Variants in HIPK3 observed in about 807,000 individuals in gnomAD.
HIPK3 encodes the protein homeodomain-interacting protein kinase 3.
HIPK3 carries 47 observed loss-of-function variants against 124.2 expected under a neutral mutation model. The observed-to-expected ratio is 0.38, with a 90% CI of 0.30 to 0.48. The LOEUF (loss-of-function observed/expected upper bound fraction) is 0.48, where lower values mean the gene tolerates loss of function less well. Ranked by LOEUF, HIPK3 falls within the 20% of genes least tolerant of loss-of-function variation. The pLI, the probability that HIPK3 is intolerant of heterozygous loss-of-function variation, is 0.98. For synonymous variants in HIPK3, 482 were observed against 515.2 expected, an observed-to-expected ratio of 0.94 and a Z score of 0.87; for missense variants, 1,286 against 1,454.3, an observed-to-expected ratio of 0.88 and a Z score of 1.88.
intron 8 of HIPK3, among the ~76,000 whole-genome samples, chr11:33,343,247 T>TTTTGTGTG (rs376198168): frequency 7.1e-6 from 1 of 141,418 alleles, no homozygotes; most frequent in African/African-American, 2.7e-5. Flanking sequence ...TTATTTGATT[T>TTTTGTGTG]TGTGTGTGTG....
At chr11:33,283,975 A>G (rs1267400872) in intron 1 of HIPK3, among the ~76,000 whole-genome samples, 1 of 152,118 alleles carries the variant, frequency 6.6e-6, no homozygotes, top group Non-Finnish European at 1.5e-5. Context: ...GTGCCTGGCC[A>G]ACTTTAGTTT....
chr11:33,301,314 CAAAGT>C (rs1851992680), intron 2 of HIPK3, among the ~76,000 whole-genome samples: 1 of 152,088 alleles, frequency 6.6e-6, no homozygotes, highest in Non-Finnish European at 1.5e-5. Context: ...TACTGTGTTC[CAAAGT>C]TACTTAGGTT....
intron 2 of HIPK3, among the ~76,000 whole-genome samples, chr11:33,321,853 T>G (rs1283810591): frequency 6.6e-6 from 1 of 152,198 alleles, no homozygotes; most frequent in Non-Finnish European, 1.5e-5. Context: ...TTACTCGCTA[T>G]TAGGGGGAGA....
intron 2 of HIPK3, among the ~76,000 whole-genome samples, chr11:33,306,992 C>T (rs927024576): frequency 6.8e-6 from 1 of 146,392 alleles, no homozygotes; most frequent in Non-Finnish European, 1.5e-5. Flanking sequence ...AGGCTGGAGT[C>T]CAGCGGTGCG....
In HIPK3 at chr11:33,355,192, A is replaced by G. The variant is rs900469311; in HGVS notation, c.*1624A>G. On this transcript the variant is annotated 3_prime_UTR_variant, in exon 17 of 17. Coordinates refer to ENST00000303296, the MANE Select transcript of HIPK3 (RefSeq NM_005734.5). ...GTATAAGTCTAATTACATGAATAGA[A>G]ATTGGGGTTTTGATTTTTTACTTTG... 2.0e-5 allele frequency: 3 copies of G among 152,030 alleles called. No homozygotes were observed. The highest frequency in any genetic ancestry group is 7.2e-5 in the African/African-American group (3 of 41,410). The allele number at this position is 152,030 out of a possible 1,614,324, so 9.4% of individuals were successfully genotyped here.
intron 12 of HIPK3, 39 bp downstream of exon 12, chr11:33,348,267 C>A: frequency 6.4e-7 from 1 of 1,556,384 alleles, no homozygotes. Flanking sequence ...TTATTATCTA[C>A]CTGTAATGTA....
rs554354297 is a variant in HIPK3 at position 33,294,791 on chromosome 11, A to T, written c.1097+7280A>T. On this transcript the variant is annotated intron_variant, in intron 2 of 16. Transcript: ENST00000303296. ...CATGAATGCAATTTGGTTTTGAGGA[A>T]ATTAAAATCAACTCAATACTGTTAG... is the stretch of plus-strand genomic sequence containing the variant. Among the ~76,000 whole-genome samples the T allele has an allele frequency of 2.0e-5, 3 of 152,274 alleles. No homozygotes were observed. The East Asian group carries it at 5.8e-4, about 29-fold the overall frequency.
intron 1 of HIPK3, among the ~76,000 whole-genome samples, chr11:33,280,033 T>TG (rs757465661): frequency 2.6e-5 from 4 of 151,382 alleles, no homozygotes; most frequent in South Asian, 2.1e-4. Context: ...TGAGGGGAGG[T>TG]GGGGGGGACA....
At chr11:33,266,546 A>C (rs1188773379) in intron 1 of HIPK3, among the ~76,000 whole-genome samples, 1 of 152,156 alleles carries the variant, frequency 6.6e-6, no homozygotes, top group Non-Finnish European at 1.5e-5. Flanking sequence ...AAAAACAAAG[A>C]AAATACAAAA....
rs189124780 is a variant in HIPK3 at position 33,313,734 on chromosome 11, G to T, written c.1098-14776G>T. ...AATTTAAGAAATGGTGTGCTCCAGA[G>T]CACCATGAGATTACGTGAGATCACC... On this transcript the variant is annotated intron_variant, in intron 2 of 16. Transcript: ENST00000303296. Among the ~76,000 whole-genome samples, 96 of 152,284 alleles carry T rather than the reference G, an allele frequency of 6.3e-4. 1 individual carries two copies. Among genetic ancestry groups the T allele is most frequent in the Middle Eastern group, 3.4e-3 (1 of 294 alleles).
chr11:33,279,245 G>GT (rs1276955152), intron 1 of HIPK3, among the ~76,000 whole-genome samples: 3 of 131,682 alleles, frequency 2.3e-5, no homozygotes, highest in African/African-American at 8.9e-5. Context: ...ACCTGGGAAG[G>GT]CGGAGGTTGC....
At chr11:33,265,682 G>A (rs1205089709) in intron 1 of HIPK3, among the ~76,000 whole-genome samples, 2 of 149,936 alleles carry the variant, frequency 1.3e-5, no homozygotes, top group South Asian at 2.1e-4. Context: ...GCTGAGGTGC[G>A]AGATTACTTG....
At chr11:33,294,073 GAA>G in intron 2 of HIPK3, among the ~76,000 whole-genome samples, 1 of 151,480 alleles carries the variant, frequency 6.6e-6, no homozygotes, top group Admixed American at 6.6e-5. Flanking sequence ...AGAATCGTTT[GAA>G]CCCGGGAGGC....
chr11:33,322,792 C>T (rs1852702206), intron 2 of HIPK3, among the ~76,000 whole-genome samples: 1 of 152,208 alleles, frequency 6.6e-6, no homozygotes, highest in Admixed American at 6.5e-5. Context: ...CGCCACTGCA[C>T]TCCAGCCTGG....
At chr11:33,285,579 AT>A (rs869048069) in intron 1 of HIPK3, among the ~76,000 whole-genome samples, 760 of 45,554 alleles carry the variant, frequency 0.017, 3 homozygotes, top group African/African-American at 0.069. Context: ...AAAAAAAAAA[AT>A]ATATATATAT....
At position 33,341,591 on chromosome 11, in the gene HIPK3, T is replaced by G. The variant is rs1853337162; in HGVS notation, c.1802T>G (p.Val601Gly). The G allele has an allele frequency of 1.2e-6, 2 of 1,613,796 alleles. No homozygotes were observed. The highest frequency in any genetic ancestry group is 1.7e-6 in the Non-Finnish European group (2 of 1,179,840). ...TTGACCACATCTGCTCATTCAGTTG[T>G]GCACCATGGAATACCTCTGCAGGCA... ...QALTTSAHSVVHHGIPLQAGT... is the reference protein window; with the variant it reads ...QALTTSAHSVGHHGIPLQAGT... The change falls in exon 8 of 17, where the codon GTG (valine) becomes GGG (glycine). Residue 601 changes from valine to glycine, a missense_variant. By Grantham distance (109) the Val-to-Gly change is moderately radical. This residue lies in a region of HIPK3 where 810 missense variants were observed against 864.9 expected (regional missense o/e 0.94). Transcript: ENST00000303296.
chr11:33,260,497 C>T (rs564106655), intron 1 of HIPK3, among the ~76,000 whole-genome samples: 1 of 152,126 alleles, frequency 6.6e-6, no homozygotes. Context: ...TATTTGAATG[C>T]TAGTACGACT....
Position 33,286,671 on chromosome 11 carries a change from A to C in HIPK3, c.257A>C (p.Lys86Thr), listed in dbSNP as rs1301895735. The C allele has an allele frequency of 6.2e-7, 1 of 1,614,132 alleles. No individual in the cohort carries two copies. The highest frequency in any genetic ancestry group is 8.5e-7 in the Non-Finnish European group (1 of 1,180,018). The change falls in exon 2 of 17, where the codon AAA (lysine) becomes ACA (threonine). Residue 86 changes from lysine to threonine, a missense_variant. Lys to Thr is a moderately conservative substitution (Grantham distance 78). Around this residue, in one of 3 missense-constraint regions of HIPK3, gnomAD observed 225 missense variants for 240.3 expected, o/e 0.94. Transcript: ENST00000303296. The part of the protein sequence containing the change: ...FSLQTSAVVL[K>T]NTAGATKVIA... ...TTGCAGACAAGTGCTGTTGTTTTGAAAAACACTGCAGGTGCTACAAAGGTC... is the reference window on the plus strand; with the variant it reads ...TTGCAGACAAGTGCTGTTGTTTTGACAAACACTGCAGGTGCTACAAAGGTC...
intron 2 of HIPK3, among the ~76,000 whole-genome samples, chr11:33,316,953 T>A (rs943821270): frequency 2.0e-5 from 3 of 152,216 alleles, no homozygotes; most frequent in Non-Finnish European, 2.9e-5. Flanking sequence ...AGACTGACAA[T>A]TTTAAACATT....
Sources: gnomAD v4.1 joint callset for allele counts (sites outside exome capture counted in the v4.1 genomes callset) on GRCh38, gnomAD v4.1.1 for gene constraint, gnomAD v4.1.1 regional missense constraint, MANE v1.5 for transcripts, NCBI Gene and HGNC (gene_info 2026-07-23, HGNC 2026-07-21) for gene names.